The following CSMD1 variants were observed in gnomAD, a reference collection of about 807,000 sequenced individuals.
The protein encoded by CSMD1 is CUB and sushi domain-containing protein 1.
A neutral mutation model predicts 417.5 loss-of-function variants in CSMD1; 213 were observed. The ratio of observed to expected loss-of-function variants is 0.51; its 90% CI spans 0.46 to 0.57. The LOEUF (loss-of-function observed/expected upper bound fraction) is 0.57, where lower values mean the gene tolerates loss of function less well. Among genes scored for constraint, CSMD1 ranks in the 20% least tolerant of loss-of-function variants. The probability of loss-of-function intolerance (pLI) is 0.00; values close to 1 mark genes in which losing one functional copy is unlikely to be tolerated. For synonymous variants in CSMD1, 2,862 were observed against 1,736.8 expected (o/e 1.65, Z -16.11); for missense variants, 6,923 against 4,529.7 (o/e 1.53, Z -15.17).
intron 12 of CSMD1, among the ~76,000 whole-genome samples, chr8:3,417,652 T>A (rs886533272): frequency 5.3e-5 from 8 of 151,122 alleles, no homozygotes; most frequent in Non-Finnish European, 1.2e-4. Flanking sequence ...CCATTTTCGC[T>A]GAAGAGAGAG....
chr8:3,385,055 A>C (rs1444663570), intron 18 of CSMD1, among the ~76,000 whole-genome samples: 1 of 104,776 alleles, frequency 9.5e-6, no homozygotes, highest in Non-Finnish European at 1.7e-5. Context: ...TAAATATATA[A>C]TATATAATAT....
chr8:4,984,204 G>A (rs1360550195), intron 1 of CSMD1, among the ~76,000 whole-genome samples: 1 of 152,194 alleles, frequency 6.6e-6, no homozygotes, highest in African/African-American at 2.4e-5. Context: ...AACAGCAAGA[G>A]TAACCATCAC....
intron 1 of CSMD1, among the ~76,000 whole-genome samples, chr8:4,909,230 G>C (rs1055211082): frequency 4.6e-5 from 7 of 152,164 alleles, no homozygotes; most frequent in African/African-American, 4.8e-5. Flanking sequence ...GGATGGTAGA[G>C]TGTTTTATAA....
intron 3 of CSMD1, among the ~76,000 whole-genome samples, chr8:4,066,330 C>G (rs557336161): frequency 6.6e-6 from 1 of 152,300 alleles, no homozygotes; most frequent in East Asian, 1.9e-4. Context: ...GTTCTGCTGC[C>G]TAGCCCGTTC....
intron 1 of CSMD1, among the ~76,000 whole-genome samples, chr8:4,968,881 G>C (rs894781788): frequency 1.3e-5 from 2 of 152,168 alleles, no homozygotes; most frequent in Admixed American, 6.6e-5. Flanking sequence ...CAAAGCATCA[G>C]TCTGTCTCTC....
At chr8:3,692,426 C>T (rs1800298850) in intron 7 of CSMD1, among the ~76,000 whole-genome samples, 1 of 150,262 alleles carries the variant, frequency 6.7e-6, no homozygotes, top group South Asian at 2.1e-4. Flanking sequence ...AGCCACCAGA[C>T]ATTTATACTT....
intron 5 of CSMD1, among the ~76,000 whole-genome samples, chr8:3,850,187 T>C (rs904420817): frequency 2.0e-5 from 3 of 152,252 alleles, no homozygotes; most frequent in African/African-American, 7.2e-5. Flanking sequence ...TAGGCAAATT[T>C]TGAGACTGTT....
rs185668243 is a variant in CSMD1, at chr8:4,223,819, C to G, written c.416-191720G>C. Among the ~76,000 whole-genome samples the G allele has an allele frequency of 1.5e-3, 231 of 152,270 alleles. 2 individuals carry two copies. The highest frequency in any genetic ancestry group is 5.3e-3 in the African/African-American group (222 of 41,558). The stretch of plus-strand genomic sequence containing the variant: ...CCTTGGCCAATAACAACCAGTGAAA[C>G]TGTTTTCTTTTTTTGTTGAGACTGA... On this transcript the variant is annotated intron_variant, in intron 3 of 69. Transcript: ENST00000635120.
At chr8:3,227,751 T>G (rs1191231216) in intron 27 of CSMD1, among the ~76,000 whole-genome samples, 3 of 151,874 alleles carry the variant, frequency 2.0e-5, no homozygotes, top group African/African-American at 7.3e-5. Flanking sequence ...AGCAGGATGT[T>G]GTCATTTTAA....
chr8:3,958,657 A>G (rs1812128643), intron 5 of CSMD1, among the ~76,000 whole-genome samples: 1 of 152,200 alleles, frequency 6.6e-6, no homozygotes, highest in Non-Finnish European at 1.5e-5. Context: ...AAATTAGCCT[A>G]TAAAAACAAA....
intron 3 of CSMD1, among the ~76,000 whole-genome samples, chr8:4,142,006 T>G (rs13279843): frequency 6.6e-6 from 1 of 150,532 alleles, no homozygotes; most frequent in Non-Finnish European, 1.5e-5. Flanking sequence ...ATATATTCAA[T>G]GATGTTCCAA....
intron 2 of CSMD1, among the ~76,000 whole-genome samples, chr8:4,515,406 G>A (rs930423132): frequency 6.6e-6 from 1 of 152,130 alleles, no homozygotes; most frequent in South Asian, 2.1e-4. Flanking sequence ...ATGAAGAGGC[G>A]TCTTTGTCTG....
chr8:4,236,832 T>C (rs1802094788), intron 3 of CSMD1, among the ~76,000 whole-genome samples: 1 of 152,156 alleles, frequency 6.6e-6, no homozygotes. Context: ...TTTCCAAATA[T>C]AGAAGTCACT....
chr8:3,805,172 C>A (rs1371953096), intron 5 of CSMD1, among the ~76,000 whole-genome samples: 1 of 152,148 alleles, frequency 6.6e-6, no homozygotes, highest in Non-Finnish European at 1.5e-5. Context: ...AAAGAGACCA[C>A]AATATTCCCC....
intron 3 of CSMD1, among the ~76,000 whole-genome samples, chr8:4,058,079 T>A (rs989586982): frequency 2.4e-4 from 36 of 152,160 alleles, no homozygotes; most frequent in Non-Finnish European, 4.7e-4. Context: ...AGGAACTCAT[T>A]GGTAGCTTGA....
intron 10 of CSMD1, among the ~76,000 whole-genome samples, chr8:3,545,972 C>T (rs972244058): frequency 6.6e-6 from 1 of 152,060 alleles, no homozygotes; most frequent in Non-Finnish European, 1.5e-5. Context: ...AGCTCCTAAG[C>T]CAAACAATTA....
intron 10 of CSMD1, among the ~76,000 whole-genome samples, chr8:3,510,298 C>T (rs921870175): frequency 3.3e-5 from 5 of 151,822 alleles, no homozygotes; most frequent in African/African-American, 9.7e-5. Flanking sequence ...CATGGCCTGC[C>T]TCTGTCTTCC....
At position 4,635,424 on chromosome 8, in the gene CSMD1, G is replaced by C. The variant is rs1168436468; in HGVS notation, c.302+1918C>G. Reference sequence around the variant, plus strand: ...TCATAATAGTACCATAAGACCATAAGAGATAATACATTATTGAAAGACATA... The same window carrying C: ...TCATAATAGTACCATAAGACCATAACAGATAATACATTATTGAAAGACATA... On this transcript the variant is annotated intron_variant, in intron 2 of 69. Coordinates refer to ENST00000635120, the MANE Select transcript of CSMD1 (RefSeq NM_033225.6). Among the ~76,000 whole-genome samples, 6 of 151,970 alleles carry C rather than the reference G, an allele frequency of 3.9e-5. No individual in the cohort carries two copies. In the East Asian group the frequency reaches 7.7e-4, roughly 20 times the overall value.
chr8:4,412,959 C>T (rs1796729886), intron 3 of CSMD1, among the ~76,000 whole-genome samples: 1 of 151,998 alleles, frequency 6.6e-6, no homozygotes, highest in Non-Finnish European at 1.5e-5. Context: ...CTTGTATCAT[C>T]AATGGACAGA....
Sources: gnomAD v4.1 joint callset for allele counts (sites outside exome capture counted in the v4.1 genomes callset) on GRCh38, gnomAD v4.1.1 for gene constraint, MANE v1.5 for transcripts, NCBI Gene and HGNC (gene_info 2026-07-23, HGNC 2026-07-21) for gene names.